DNAJC10: variants seen among roughly 807,000 people sequenced by gnomAD.
DNAJC10 encodes the protein endoplasmic reticulum disulfide reductase DNAJC10.
A neutral mutation model predicts 115.0 loss-of-function variants in DNAJC10; 101 were observed. That is an observed-to-expected ratio of 0.88 (90% confidence interval 0.75 to 1.04). DNAJC10 has a LOEUF of 1.04. Among genes scored for constraint, DNAJC10 ranks in the 50% least tolerant of loss-of-function variants. DNAJC10 has a pLI of 0.00. For synonymous variants in DNAJC10, 307 were observed against 301.5 expected, an observed-to-expected ratio of 1.02 and a Z score of -0.19; for missense variants, 981 against 928.8, an observed-to-expected ratio of 1.06 and a Z score of -0.73.
intron 22 of DNAJC10, among the ~76,000 whole-genome samples, chr2:182,765,695 C>T (rs373121304): frequency 1.4e-4 from 22 of 152,224 alleles, no homozygotes; most frequent in Non-Finnish European, 2.5e-4. Context: ...GTCCTGTTCT[C>T]GAAAAGAGAG....
chr2:182,747,641 T>G (rs1350908164), intron 14 of DNAJC10, among the ~76,000 whole-genome samples: 28 of 151,980 alleles, frequency 1.8e-4, no homozygotes, highest in African/African-American at 2.2e-4. Context: ...TGAGACAATG[T>G]GGTTTTCTAG....
At position 182,782,395 on chromosome 2, in the gene DNAJC10, A is replaced by G. The variant is rs1473830262; in HGVS notation, c.*5263A>G. On this transcript the variant is annotated 3_prime_UTR_variant, in exon 24 of 24. Transcript: ENST00000264065. The stretch of plus-strand genomic sequence containing the variant: ...TTTTGCTTAGGATTGCCTTGGCTAT[A>G]TGGGCTCTTTTTTTTTTGGTTCCAT... 1.3e-5 allele frequency: 2 copies of G among 150,722 alleles called. No homozygotes were observed. The highest frequency in any genetic ancestry group is 4.9e-5 in the African/African-American group (2 of 41,064). 9.3% of individuals were successfully genotyped at this position (150,722 alleles called of 1,614,324 possible).
At chr2:182,765,938 G>GT (rs1234506042) in intron 22 of DNAJC10, among the ~76,000 whole-genome samples, 1 of 152,014 alleles carries the variant, frequency 6.6e-6, no homozygotes, top group Non-Finnish European at 1.5e-5. Flanking sequence ...TGCATCTTTA[G>GT]TTTTTTTTCT....
intron 16 of DNAJC10, among the ~76,000 whole-genome samples, chr2:182,753,589 T>G (rs976051893): frequency 9.2e-5 from 13 of 141,180 alleles, no homozygotes; most frequent in African/African-American, 3.4e-4. Flanking sequence ...GTTTTTTTTT[T>G]TTTTTTTTTT....
In DNAJC10 at chr2:182,736,399, TTAA is replaced by T; in HGVS notation, c.987+14_987+16del. 6.5e-7 allele frequency: 1 copy of T among 1,531,590 alleles called. No individual in the cohort carries two copies. The highest frequency in any genetic ancestry group is 1.3e-5 in the South Asian group (1 of 78,996). The allele number at this position is 1,531,590 out of a possible 1,614,324, so 94.9% of individuals were successfully genotyped here. ...AAACAGTATTTTGGTATGAATCACT[TTAA>T]ACTAATTTATTTACATATAATGTGC... On this transcript the variant is annotated intron_variant, in intron 11 of 23. Coordinates refer to ENST00000264065, the MANE Select transcript of DNAJC10 (RefSeq NM_018981.4).
In DNAJC10 at chr2:182,775,421, G is replaced by A. The variant is rs1236622029; in HGVS notation, c.2370+1G>A. The A allele has an allele frequency of 1.2e-6, 2 of 1,601,482 alleles. No homozygotes were observed. The highest frequency in any genetic ancestry group is 1.7e-6 in the Non-Finnish European group (2 of 1,169,982). ...CCGAAATCAAGGCAAGAGGAATAAG[G>A]TATGGACTAAGCCTAGAGTTGACTT... On this transcript the variant is annotated splice_donor_variant, in intron 23 of 23. Coordinates refer to ENST00000264065, the MANE Select transcript of DNAJC10 (RefSeq NM_018981.4). LOFTEE classifies it high-confidence loss of function.
chr2:182,718,235 A>G lies in DNAJC10; in HGVS notation c.149A>G (p.Glu50Gly). 6.2e-7 allele frequency: 1 copy of G among 1,613,012 alleles called. No homozygotes were observed. The highest frequency in any genetic ancestry group is 8.5e-7 in the Non-Finnish European group (1 of 1,179,678). The change falls in exon 3 of 24, where the codon GAA becomes GGA. Residue 50 changes from glutamate (E) to glycine (G), a missense_variant. By Grantham distance (98) the Glu-to-Gly change is moderately conservative. Coordinates refer to ENST00000264065, the MANE Select transcript of DNAJC10 (RefSeq NM_018981.4). ...LGVSKTASSR[E>G]IRQAFKKLAL... ...GTGTCCAAAACTGCAAGCAGTAGAG[A>G]AATAAGACAAGCTTTCAAGAAATTG...
At chr2:182,741,731 C>T (rs1450510969) in intron 13 of DNAJC10, among the ~76,000 whole-genome samples, 1 of 152,088 alleles carries the variant, frequency 6.6e-6, no homozygotes, top group East Asian at 1.9e-4. Flanking sequence ...AAAAAAATCA[C>T]CCATACTCTT....
chr2:182,716,405 T>G lies in DNAJC10; in HGVS notation c.-282T>G, dbSNP rs1323312961. 1.3e-5 allele frequency: 2 copies of G among 152,320 alleles called. No individual in the cohort carries two copies. The highest frequency in any genetic ancestry group is 4.8e-5 in the African/African-American group (2 of 41,450). The allele number at this position is 152,320 out of a possible 1,614,324, so 9.4% of individuals were successfully genotyped here. Reference sequence around the variant, plus strand: ...GTGCTTCTCTCCTGCACGCGGTGCTTGGGCTCGGCCAGGCGGGGTCCGCCG... The same window carrying G: ...GTGCTTCTCTCCTGCACGCGGTGCTGGGGCTCGGCCAGGCGGGGTCCGCCG... On this transcript the variant is annotated 5_prime_UTR_variant, in exon 1 of 24. Coordinates refer to ENST00000264065, the MANE Select transcript of DNAJC10 (RefSeq NM_018981.4).
chr2:182,741,400 G>T, intron 13 of DNAJC10, 44 bp downstream of exon 13: 1 of 1,006,324 alleles, frequency 9.9e-7, no homozygotes, highest in Non-Finnish European at 1.4e-6. Context: ...GGTGTACTTT[G>T]TTGTTAATTT....
At chr2:182,754,547 T>G (rs1298647174) in intron 16 of DNAJC10, among the ~76,000 whole-genome samples, 2 of 152,334 alleles carry the variant, frequency 1.3e-5, no homozygotes, top group East Asian at 3.9e-4. Flanking sequence ...ACCTAAAATA[T>G]AATCATGTAC....
rs990075165 is a variant in DNAJC10, at chr2:182,779,380, G to A, written c.*2248G>A. 1 of 152,126 alleles carries A rather than the reference G, an allele frequency of 6.6e-6. No homozygotes were observed. The highest frequency in any genetic ancestry group is 1.5e-5 in the Non-Finnish European group (1 of 68,020). The allele number at this position is 152,126 out of a possible 1,614,324, so 9.4% of individuals were successfully genotyped here. ...TTGTGTGCAGCTGACCCTCTAACATGGTATCAATTCTAGCTGACCAAAGCA... is the reference window on the plus strand; with the variant it reads ...TTGTGTGCAGCTGACCCTCTAACATAGTATCAATTCTAGCTGACCAAAGCA... On this transcript the variant is annotated 3_prime_UTR_variant, in exon 24 of 24. Transcript: ENST00000264065.
intron 13 of DNAJC10, among the ~76,000 whole-genome samples, chr2:182,741,606 T>C (rs1341181707): frequency 6.6e-6 from 1 of 152,178 alleles, no homozygotes; most frequent in Non-Finnish European, 1.5e-5. Flanking sequence ...CTGGAATGCA[T>C]ACTGTAGGAG....
rs1282620513 is a variant in DNAJC10, at chr2:182,719,925, T to A, written c.205-82T>A. The A allele has an allele frequency of 6.5e-6, 5 of 773,990 alleles. No individual in the cohort carries two copies. In the African/African-American group the frequency reaches 7.0e-5, roughly 11 times the overall value. The allele number at this position is 773,990 out of a possible 1,614,324, so 47.9% of individuals were successfully genotyped here. On this transcript the variant is annotated intron_variant, in intron 3 of 23. Transcript: ENST00000264065. ...TATGGTCTCCCAGAAGTTACTAGAT[T>A]AATTAAACCTACATATATGTTTTGA...
chr2:182,745,760 C>G (rs1374575813), intron 14 of DNAJC10, among the ~76,000 whole-genome samples: 1 of 147,626 alleles, frequency 6.8e-6, no homozygotes, highest in Admixed American at 6.8e-5. Flanking sequence ...TATTATACTT[C>G]AAGTTTTAGG....
chr2:182,777,039 G>T, intron 23 of DNAJC10, 82 bp from the exon 24 acceptor site: 1 of 889,256 alleles, frequency 1.1e-6, no homozygotes, highest in South Asian at 2.9e-5. Context: ...GTAAAATGTT[G>T]GTTTGTGGTA....
chr2:182,720,569 T>C (rs1693125126), intron 4 of DNAJC10, among the ~76,000 whole-genome samples: 1 of 152,146 alleles, frequency 6.6e-6, no homozygotes, highest in Admixed American at 6.5e-5. Context: ...GCCTATGGTA[T>C]TCAGCAGTAA....
rs550120945 is a variant in DNAJC10 at position 182,788,932 on chromosome 2, A to G, written c.*11800A>G. ...TAAATTGTGATAAAGTACATGTAAC[A>G]AAATTTATTAATCATTTTAAAGTAG... On this transcript the variant is annotated 3_prime_UTR_variant, in exon 24 of 24. Transcript: ENST00000264065. 70 of 406,320 alleles carry G rather than the reference A, an allele frequency of 1.7e-4. No individual in the cohort carries two copies. Among genetic ancestry groups the G allele is most frequent in the Admixed American group, 6.0e-4 (19 of 31,652 alleles). The allele number at this position is 406,320 out of a possible 1,614,324, so 25.2% of individuals were successfully genotyped here. A position where few individuals can be genotyped will look rare whatever the true frequency, so the allele number is the denominator to read the frequency against.
At chr2:182,739,756 A>G (rs1693684862) in intron 11 of DNAJC10, 1 of 1,003,036 alleles carries the variant, frequency 1.0e-6, no homozygotes, top group African/African-American at 1.7e-5. Flanking sequence ...TTTGGTTTTT[A>G]GATGAAAACC....
Sources: gnomAD v4.1 joint callset for allele counts (sites outside exome capture counted in the v4.1 genomes callset) on GRCh38, gnomAD v4.1.1 for gene constraint, MANE v1.5 for transcripts, NCBI Gene and HGNC (gene_info 2026-07-23, HGNC 2026-07-21) for gene names.